PPCS: variants seen among roughly 807,000 people sequenced by gnomAD.
PPCS encodes phosphopantothenoylcysteine synthetase, also known as phosphopantothenate--cysteine ligase.
Under a neutral mutation model 24.6 loss-of-function variants are expected in PPCS, and 17 were observed. That is an observed-to-expected ratio of 0.69 (90% CI 0.47 to 1.04). The LOEUF is 1.04. PPCS is among the 50% of genes least tolerant of loss of function. PPCS has a pLI of 0.00. For missense variants in PPCS, 360 were observed against 402.8 expected (o/e 0.89, Z 0.91); for synonymous variants, 190 against 168.3 (o/e 1.13, Z -1.00).
intron 2 of PPCS, among the ~76,000 whole-genome samples, chr1:42,471,407 C>CT (rs1340290671): frequency 6.6e-6 from 1 of 152,204 alleles, no homozygotes. Flanking sequence ...ATCACAACTG[C>CT]TTTTAGCACT....
At position 42,457,087 on chromosome 1, in the gene PPCS, G is replaced by C. The variant is rs755044307; in HGVS notation, c.508+14G>C. ...TCAATCCGCTAGGTGCGTGCCCTAG[G>C]AGTACCCCTTTTGCCTGGAAGCACA... is the stretch of plus-strand genomic sequence containing the variant. On this transcript the variant is annotated intron_variant, in intron 1 of 2. Coordinates refer to ENST00000372561, the MANE Select transcript of PPCS (RefSeq NM_024664.4). The C allele has an allele frequency of 1.3e-6, 2 of 1,584,330 alleles. No homozygotes were observed. The highest frequency in any genetic ancestry group is 1.7e-6 in the Non-Finnish European group (2 of 1,168,876).
chr1:42,457,099 T>G (rs1249753171), intron 1 of PPCS, 26 bp downstream of exon 1: 1 of 1,577,934 alleles, frequency 6.3e-7, no homozygotes, highest in Admixed American at 1.7e-5. Context: ...GTACCCCTTT[T>G]GCCTGGAAGC....
intron 1 of PPCS, 56 bp downstream of exon 1, chr1:42,457,129 A>G: frequency 6.3e-7 from 1 of 1,580,112 alleles, no homozygotes; most frequent in South Asian, 1.2e-5. Context: ...CTTTCCAGCC[A>G]CTTATCCCCT....
At chr1:42,457,217 T>C (rs746472467) in intron 1 of PPCS, 30 bp from the exon 2 acceptor site, 2 of 1,613,236 alleles carry the variant, frequency 1.2e-6, no homozygotes, top group South Asian at 2.2e-5. Flanking sequence ...ACCTCGCCGA[T>C]TTGTTAACAC....
At chr1:42,472,987 C>G in intron 2 of PPCS, 1 of 748,872 alleles carries the variant, frequency 1.3e-6, no homozygotes, top group African/African-American at 1.8e-5. Flanking sequence ...AGGTAGCTTA[C>G]TAGCTTTCTA....
intron 2 of PPCS, among the ~76,000 whole-genome samples, chr1:42,469,840 A>G (rs1364396370): frequency 6.6e-6 from 1 of 152,152 alleles, no homozygotes; most frequent in Non-Finnish European, 1.5e-5. Flanking sequence ...GAGATGAGAT[A>G]TTCAGTTTGA....
downstream of PPCS, among the ~76,000 whole-genome samples, chr1:42,463,049 T>A (rs997143865): frequency 6.6e-6 from 1 of 152,238 alleles, no homozygotes; most frequent in African/African-American, 2.4e-5. Flanking sequence ...AGACAAAATG[T>A]ATTCGCTAAG....
intron 2 of PPCS, among the ~76,000 whole-genome samples, chr1:42,469,079 TAAAAC>T (rs1299408713): frequency 1.3e-5 from 2 of 151,714 alleles, no homozygotes; most frequent in Non-Finnish European, 2.9e-5. Context: ...GATCATATGT[TAAAAC>T]AAACAAAAAC....
chr1:42,458,595 A>G (rs1281945904), intron 2 of PPCS, among the ~76,000 whole-genome samples: 1 of 152,236 alleles, frequency 6.6e-6, no homozygotes, highest in East Asian at 1.9e-4. Context: ...GATAAATGCT[A>G]AGGAGAAAAA....
At chr1:42,462,523 T>G (rs1246392706), downstream of PPCS, among the ~76,000 whole-genome samples, 1 of 152,138 alleles carries the variant, frequency 6.6e-6, no homozygotes. Flanking sequence ...CAAAAATTTG[T>G]GAAGTATTCT....
At chr1:42,457,467 A>C in intron 2 of PPCS, 117 bp downstream of exon 2, 1 of 855,696 alleles carries the variant, frequency 1.2e-6, no homozygotes, top group South Asian at 1.4e-5. Context: ...GGGGATACAG[A>C]GATGAATAAG....
intron 2 of PPCS, among the ~76,000 whole-genome samples, chr1:42,471,442 T>C (rs1643767957): frequency 6.6e-6 from 1 of 152,244 alleles, no homozygotes; most frequent in African/African-American, 2.4e-5. Context: ...TCCAGTCTTT[T>C]CTTTGTGTGT....
At chr1:42,463,427 G>A (rs1643469718), downstream of PPCS, 1 of 152,286 alleles carries the variant, frequency 6.6e-6, no homozygotes, top group Non-Finnish European at 1.5e-5. Flanking sequence ...CCCCAAGGAG[G>A]AAAGCACCCA....
At chr1:42,467,729 T>C (rs893822712) in intron 2 of PPCS, 3 of 152,258 alleles carry the variant, frequency 2.0e-5, no homozygotes, top group African/African-American at 7.2e-5. Context: ...GCCATATTTG[T>C]ACCTCTACTT....
exon 3 of PPCS, chr1:42,473,219 C>G (rs1446298435): frequency 8.1e-7 from 1 of 1,231,322 alleles, no homozygotes; most frequent in African/African-American, 1.6e-5. Context: ...GTGCTTATTC[C>G]AGCCAGCACA....
At chr1:42,465,818 T>C (rs1435125429), downstream of PPCS, among the ~76,000 whole-genome samples, 1 of 152,198 alleles carries the variant, frequency 6.6e-6, no homozygotes, top group Admixed American at 6.5e-5. Flanking sequence ...TATCTTAATA[T>C]GCACAGAACT....
At chr1:42,459,101 A>T (rs1364202240) in intron 2 of PPCS, 1 of 152,248 alleles carries the variant, frequency 6.6e-6, no homozygotes, top group African/African-American at 2.4e-5. Context: ...TTTGCCCCAG[A>T]ATATGTATGG....
rs746254798 is a variant in PPCS, at chr1:42,459,587, T to G, written c.613-16T>G. ...GACCATTGTTTGCTTATTAAGCTTT[T>G]CTTTTTCCAATACAGATAACAATGA... On this transcript the variant is annotated splice_polypyrimidine_tract_variant and intron_variant, in intron 2 of 2. Coordinates refer to ENST00000372561, the MANE Select transcript of PPCS (RefSeq NM_024664.4). 25 of 1,601,058 alleles carry G rather than the reference T, an allele frequency of 1.6e-5. No individual in the cohort carries two copies. Among genetic ancestry groups the G allele is most frequent in the Non-Finnish European group, 2.0e-5 (24 of 1,172,848 alleles).
intron 2 of PPCS, among the ~76,000 whole-genome samples, chr1:42,472,824 A>G (rs1257447301): frequency 6.6e-6 from 1 of 152,218 alleles, no homozygotes; most frequent in African/African-American, 2.4e-5. Flanking sequence ...GTCTGACTCT[A>G]GTCATATATA....
Sources: allele counts gnomAD v4.1 joint callset (sites outside exome capture counted in the v4.1 genomes callset), GRCh38; gene constraint gnomAD v4.1.1; transcripts MANE v1.5; gene names NCBI Gene and HGNC (gene_info 2026-07-23, HGNC 2026-07-21).